AGBL1: variants seen among roughly 807,000 people sequenced by gnomAD.
The protein encoded by AGBL1 is cytosolic carboxypeptidase 4.
In AGBL1, 130 loss-of-function variants were observed where a neutral mutation model predicts 118.9. The observed-to-expected ratio is 1.09, with a 90% CI of 0.95 to 1.26. The LOEUF (loss-of-function observed/expected upper bound fraction) is 1.26, where lower values mean the gene tolerates loss of function less well. AGBL1 is among the 50% of genes most tolerant of loss of function. The probability of loss-of-function intolerance (pLI) is 0.00; values close to 1 mark genes in which losing one functional copy is unlikely to be tolerated. For missense variants in AGBL1, 1,584 were observed against 1,298.1 expected (o/e 1.22, Z -3.38); for synonymous variants, 555 against 478.9 (o/e 1.16, Z -2.08).
chr15:86,477,902 T>A lies in AGBL1; in HGVS notation c.2556-44908T>A, dbSNP rs180735666. On this transcript the variant is annotated intron_variant, in intron 18 of 22. Coordinates refer to ENST00000614907, the MANE Select transcript of AGBL1 (RefSeq NM_001386094.1). ...ATCCACCATGATCAAGTGGGCTTCA[T>A]CCCTGGGATGCAAGGCTGATTCAAC... Among the ~76,000 whole-genome samples, 273 of 152,294 alleles carry A rather than the reference T, an allele frequency of 1.8e-3. 1 individual carries two copies. Among genetic ancestry groups the A allele is most frequent in the Non-Finnish European group, 3.0e-3 (202 of 68,014 alleles).
intron 18 of AGBL1, among the ~76,000 whole-genome samples, chr15:86,518,368 T>C (rs1282051197): frequency 2.0e-5 from 3 of 152,170 alleles, no homozygotes; most frequent in African/African-American, 7.2e-5. Context: ...CGTGGCATCA[T>C]TGTCCTTTAG....
intron 22 of AGBL1, among the ~76,000 whole-genome samples, chr15:86,814,380 A>G (rs2078831670): frequency 6.6e-6 from 1 of 152,152 alleles, no homozygotes; most frequent in African/African-American, 2.4e-5. Context: ...CCTGGTGCCA[A>G]AAAGGTTGGG....
intron 22 of AGBL1, among the ~76,000 whole-genome samples, chr15:86,819,515 A>G (rs757829346): frequency 2.0e-5 from 3 of 151,900 alleles, no homozygotes. Context: ...GAGTGAGTTC[A>G]CTCAAATGAG....
chr15:86,519,588 G>T (rs770339704), intron 18 of AGBL1, among the ~76,000 whole-genome samples: 3 of 152,174 alleles, frequency 2.0e-5, no homozygotes, highest in Non-Finnish European at 4.4e-5. Context: ...CAAGTTAGGT[G>T]TTGTACATAT....
chr15:86,876,633 T>G lies in AGBL1; in HGVS notation c.3159-30454T>G, dbSNP rs184125243. ...ATTCTGCAAAGAGTAGTAAGTATTT[T>G]TAGCTTTGTAGGCCATAGGCTCTGT... On this transcript the variant is annotated intron_variant, in intron 22 of 22. Coordinates refer to ENST00000614907, the MANE Select transcript of AGBL1 (RefSeq NM_001386094.1). 6.3e-4 allele frequency among the ~76,000 whole-genome samples: 96 copies of G among 152,336 alleles called. 1 individual carries two copies. The highest frequency in any genetic ancestry group is 2.2e-3 in the African/African-American group (92 of 41,578).
At chr15:86,579,323 A>G (rs1365494344) in intron 21 of AGBL1, among the ~76,000 whole-genome samples, 1 of 152,240 alleles carries the variant, frequency 6.6e-6, no homozygotes, top group African/African-American at 2.4e-5. Context: ...TTAAAACAAA[A>G]AGGCATCACT....
chr15:86,935,259 C>T (rs1174987398), intron 23 of AGBL1: 1 of 152,116 alleles, frequency 6.6e-6, no homozygotes, highest in Non-Finnish European at 1.5e-5. Flanking sequence ...CAGTGTTTTA[C>T]CATTTACTTG....
At chr15:86,228,534 A>G (rs1453511600) in intron 6 of AGBL1, among the ~76,000 whole-genome samples, 1 of 152,186 alleles carries the variant, frequency 6.6e-6, no homozygotes, top group African/African-American at 2.4e-5. Flanking sequence ...GACAGTAAAC[A>G]CTAGGGTGGG....
At chr15:86,756,525 C>T (rs2077943322) in intron 22 of AGBL1, among the ~76,000 whole-genome samples, 1 of 150,626 alleles carries the variant, frequency 6.6e-6, no homozygotes. Flanking sequence ...GGCAGAGTTG[C>T]CTGGGCAGGT....
At chr15:86,809,354 C>G (rs2078759166) in intron 22 of AGBL1, among the ~76,000 whole-genome samples, 1 of 152,178 alleles carries the variant, frequency 6.6e-6, no homozygotes, top group African/African-American at 2.4e-5. Flanking sequence ...CTTCTACCCT[C>G]AAAAGCCCCT....
At chr15:86,737,571 C>A (rs2077620027) in intron 22 of AGBL1, among the ~76,000 whole-genome samples, 1 of 152,110 alleles carries the variant, frequency 6.6e-6, no homozygotes, top group South Asian at 2.1e-4. Context: ...CTGCTATAAC[C>A]ACATTGTGTA....
At chr15:86,381,712 G>C (rs1460633536) in intron 17 of AGBL1, among the ~76,000 whole-genome samples, 1 of 152,174 alleles carries the variant, frequency 6.6e-6, no homozygotes, top group Non-Finnish European at 1.5e-5. Context: ...AGAAGTCCAA[G>C]GGAGCTGGTC....
chr15:86,795,111 G>C (rs1260869649), intron 22 of AGBL1, among the ~76,000 whole-genome samples: 1 of 152,212 alleles, frequency 6.6e-6, no homozygotes, highest in Non-Finnish European at 1.5e-5. Flanking sequence ...TTGAAACTTA[G>C]TCTCCATGGC....
chr15:86,541,945 G>T (rs2083503168), intron 19 of AGBL1, among the ~76,000 whole-genome samples: 1 of 152,156 alleles, frequency 6.6e-6, no homozygotes, highest in Admixed American at 6.5e-5. Flanking sequence ...TATATCATTA[G>T]AAACGTGGGC....
chr15:87,014,567 C>T (rs773722583), intron 24 of AGBL1, among the ~76,000 whole-genome samples: 2 of 152,006 alleles, frequency 1.3e-5, no homozygotes, highest in Non-Finnish European at 2.9e-5. Flanking sequence ...TAGATCTAGG[C>T]GAGTTATTAT....
intron 21 of AGBL1, among the ~76,000 whole-genome samples, chr15:86,664,855 A>C (rs1307454555): frequency 3.6e-5 from 2 of 56,038 alleles, no homozygotes; most frequent in Non-Finnish European, 7.5e-5. Flanking sequence ...TATTACATAA[A>C]ATAATATCTT....
intron 20 of AGBL1, among the ~76,000 whole-genome samples, chr15:86,553,906 G>A (rs1456619275): frequency 6.6e-6 from 1 of 151,778 alleles, no homozygotes; most frequent in African/African-American, 2.4e-5. Flanking sequence ...TGTCTCCCAG[G>A]CTGGAGTGCA....
downstream of AGBL1, among the ~76,000 whole-genome samples, chr15:86,918,669 G>T (rs2080454153): frequency 6.6e-6 from 1 of 152,138 alleles, no homozygotes; most frequent in African/African-American, 2.4e-5. Context: ...CACATTTCCA[G>T]ACAAAAATGC....
intron 18 of AGBL1, among the ~76,000 whole-genome samples, chr15:86,477,471 A>C (rs1369737662): frequency 6.6e-6 from 1 of 152,262 alleles, no homozygotes; most frequent in Non-Finnish European, 1.5e-5. Flanking sequence ...CAAATAAAGT[A>C]GAAAATCTAG....
Sources: gnomAD v4.1 joint callset for allele counts (sites outside exome capture counted in the v4.1 genomes callset) on GRCh38, gnomAD v4.1.1 for gene constraint, MANE v1.5 for transcripts, NCBI Gene and HGNC (gene_info 2026-07-23, HGNC 2026-07-21) for gene names.